ABCC12: variants seen among roughly 807,000 people sequenced by gnomAD.
The protein encoded by ABCC12 is ATP-binding cassette sub-family C member 12.
In ABCC12, 142 loss-of-function variants were observed where a neutral mutation model predicts 151.1. The observed-to-expected ratio is 0.94, with a 90% CI of 0.82 to 1.08. The LOEUF (loss-of-function observed/expected upper bound fraction) is 1.08, where lower values mean the gene tolerates loss of function less well. ABCC12 is among the 50% of genes least tolerant of loss of function. The pLI, the probability that ABCC12 is intolerant of heterozygous loss-of-function variation, is 0.00. For synonymous variants in ABCC12, 645 were observed against 646.4 expected (o/e 1.00, Z 0.03); for missense variants, 1,638 against 1,691.1 (o/e 0.97, Z 0.55).
At chr16:48,108,332 C>T (rs561990807) in intron 19 of ABCC12, 108 bp downstream of exon 19, 1 of 1,029,626 alleles carries the variant, frequency 9.7e-7, no homozygotes, top group South Asian at 1.6e-5. Flanking sequence ...ATGGCCCTAG[C>T]ATAAACAGAA....
rs1287825113 is a variant in ABCC12, at chr16:48,155,821, G to C, written c.-320+20C>G. 1.3e-5 allele frequency: 2 copies of C among 152,414 alleles called. No individual in the cohort carries two copies. Among genetic ancestry groups the C allele is most frequent in the Non-Finnish European group, 2.9e-5 (2 of 68,230 alleles). 9.4% of individuals were successfully genotyped at this position (152,414 alleles called of 1,614,324 possible). On this transcript the variant is annotated intron_variant, in intron 1 of 30. Transcript: ENST00000311303. ...TTGTTACAGGGAGAAGCTTTACCTG[G>C]GCTGGAAATGAAGCTTTACCTGGGC... is the stretch of plus-strand genomic sequence containing the variant.
chr16:48,094,524 C>G (rs774935574), intron 24 of ABCC12, among the ~76,000 whole-genome samples: 4 of 152,160 alleles, frequency 2.6e-5, no homozygotes, highest in Non-Finnish European at 5.9e-5. Flanking sequence ...CTGATAGGCT[C>G]TGTATATAGA....
At position 48,133,701 on chromosome 16, in the gene ABCC12, G is replaced by A. The variant is rs1338984561; in HGVS notation, c.1114C>T (p.Leu372Phe). ...CCAGCTCTTACCACGGGTGCGGTGAGTTTGCGTCTCAGGAGGATGTGGCAG... is the reference window on the plus strand; with the variant it reads ...CCAGCTCTTACCACGGGTGCGGTGAATTTGCGTCTCAGGAGGATGTGGCAG... ...LSCHILLRRK[L>F]TAPVAFSVIA... The change falls in exon 9 of 31, where the codon CTC becomes TTC. Residue 372 changes from leucine to phenylalanine, a missense_variant. Physicochemically the swap from Leu to Phe is conservative, Grantham distance 22. Transcript: ENST00000311303. 3.7e-6 allele frequency: 6 copies of A among 1,614,012 alleles called. No individual in the cohort carries two copies. The highest frequency in any genetic ancestry group is 5.1e-6 in the Non-Finnish European group (6 of 1,179,998).
chr16:48,121,823 C>T lies in ABCC12; in HGVS notation c.1605G>A (p.Gly535=), dbSNP rs148469787. The part of the protein sequence containing the change: ...ALLGQMQLQK[G]VVAVNGTLAY... ...CCAAAGTTCCATTGACTGCCACCAC[C>T]CCTTTCTGCAGCTGCATCTGGAACA... Residue 535 remains glycine, a synonymous_variant, in exon 13 of 31, where the codon GGG becomes GGA. Transcript: ENST00000311303. 5.6e-6 allele frequency: 9 copies of T among 1,614,100 alleles called. No homozygotes were observed. In the East Asian group the frequency reaches 1.6e-4, roughly 28 times the overall value.
Position 48,146,473 on chromosome 16 carries a change from C to T in ABCC12, c.-49G>A, listed in dbSNP as rs186289231. On this transcript the variant is annotated splice_region_variant and 5_prime_UTR_variant, in exon 3 of 31. It adds an upstream start codon to the 5' untranslated region. Transcript: ENST00000311303. The stretch of plus-strand genomic sequence containing the variant: ...GGCTTTTGGCCTGGGGACACTTTCA[C>T]TCTATGGCAGAGAAATGGCAAAGGT... The T allele has an allele frequency of 3.4e-6, 5 of 1,469,114 alleles. No homozygotes were observed. Among genetic ancestry groups the T allele is most frequent in the Middle Eastern group, 1.7e-4 (1 of 5,758 alleles). 91.0% of individuals were successfully genotyped at this position (1,469,114 alleles called of 1,614,324 possible).
chr16:48,102,494 C>T (rs1963340448), intron 22 of ABCC12, among the ~76,000 whole-genome samples: 1 of 152,176 alleles, frequency 6.6e-6, no homozygotes, highest in Non-Finnish European at 1.5e-5. Context: ...TTGCTCAGGA[C>T]ATCAAGAACT....
intron 12 of ABCC12, 101 bp downstream of exon 12, chr16:48,124,112 G>A (rs1238877313): frequency 1.6e-6 from 2 of 1,264,110 alleles, no homozygotes; most frequent in Non-Finnish European, 2.3e-6. Flanking sequence ...ACAGTGTCCA[G>A]TGCAGCCGAG....
Position 48,096,664 on chromosome 16 carries a change from T to C in ABCC12, c.3195+82A>G, listed in dbSNP as rs551350688. On this transcript the variant is annotated intron_variant, in intron 24 of 30. Coordinates refer to ENST00000311303, the MANE Select transcript of ABCC12 (RefSeq NM_001393797.1). ...AAACCCATTCGAGTTGGGGTTTTTG[T>C]TGTGTCCATCCAAAAGCACCCTCGC... The C allele has an allele frequency of 4.9e-6, 7 of 1,425,776 alleles. No individual in the cohort carries two copies. In the East Asian group the frequency reaches 9.1e-5, roughly 19 times the overall value. The allele number at this position is 1,425,776 out of a possible 1,614,324, so 88.3% of individuals were successfully genotyped here.
chr16:48,102,481 T>A (rs1042428478), intron 22 of ABCC12, among the ~76,000 whole-genome samples: 3 of 152,206 alleles, frequency 2.0e-5, no homozygotes, highest in African/African-American at 7.2e-5. Flanking sequence ...TTTGTCCAAT[T>A]CTTTGCTCAG....
chr16:48,144,014 A>G lies in ABCC12; in HGVS notation c.171T>C (p.Phe57=). 6.2e-7 allele frequency: 1 copy of G among 1,614,200 alleles called. No homozygotes were observed. Among genetic ancestry groups the G allele is most frequent in the Non-Finnish European group, 8.5e-7 (1 of 1,180,028 alleles). Residue 57 remains phenylalanine, a synonymous_variant, in exon 4 of 31, where the codon TTT becomes TTC. Transcript: ENST00000311303. ...DDAGLLSFAT[F]SWLTPVMVKG... is the part of the protein sequence containing the mutation. Reference sequence around the variant, plus strand: ...TCACCATCACCGGCGTGAGCCAGGAAAATGTGGCGAAGGAGAGTAGCCCGG... The same window carrying G: ...TCACCATCACCGGCGTGAGCCAGGAGAATGTGGCGAAGGAGAGTAGCCCGG...
chr16:48,108,226 C>G (rs1963565045), intron 19 of ABCC12, among the ~76,000 whole-genome samples: 1 of 152,260 alleles, frequency 6.6e-6, no homozygotes, highest in Middle Eastern at 3.4e-3. Flanking sequence ...AAAAGAGAGT[C>G]TGGCAGCTTT....
intron 20 of ABCC12, among the ~76,000 whole-genome samples, chr16:48,106,501 C>T (rs1209002018): frequency 2.6e-5 from 4 of 152,232 alleles, no homozygotes; most frequent in African/African-American, 7.2e-5. Context: ...CTCCAAACCT[C>T]GGGCTCTCCA....
At chr16:48,147,814 CT>C (rs1965049342) in intron 2 of ABCC12, among the ~76,000 whole-genome samples, 1 of 152,210 alleles carries the variant, frequency 6.6e-6, no homozygotes, top group Non-Finnish European at 1.5e-5. Context: ...ATCATAATGT[CT>C]TCATCTCAAA....
In ABCC12 at chr16:48,108,425, T is replaced by G. The variant is rs759196108; in HGVS notation, c.2371+15A>C. 1 of 1,604,792 alleles carries G rather than the reference T, an allele frequency of 6.2e-7. No homozygotes were observed. Among genetic ancestry groups the G allele is most frequent in the East Asian group, 2.2e-5 (1 of 44,820 alleles). Reference sequence around the variant, plus strand: ...ATGCAAATTAAATCAAGAAACTTGTTGTTTTATACTGAACCTCCAGAAGCC... The same window carrying G: ...ATGCAAATTAAATCAAGAAACTTGTGGTTTTATACTGAACCTCCAGAAGCC... On this transcript the variant is annotated intron_variant, in intron 19 of 30. Coordinates refer to ENST00000311303, the MANE Select transcript of ABCC12 (RefSeq NM_001393797.1).
In ABCC12 at chr16:48,082,311, G is replaced by A. The variant is rs776317384; in HGVS notation, c.*1404C>T. On this transcript the variant is annotated 3_prime_UTR_variant, in exon 31 of 31. Transcript: ENST00000311303. ...GGCCAGGTGTGCTCACCTCCCCGCT[G>A]GTTGGGTAGACCCCTGCCCAGGCCT... Among the ~76,000 whole-genome samples the A allele has an allele frequency of 2.0e-5, 3 of 152,202 alleles. No individual in the cohort carries two copies. The highest frequency in any genetic ancestry group is 1.9e-4 in the East Asian group (1 of 5,180).
chr16:48,132,442 C>T (rs1006891634), intron 9 of ABCC12, among the ~76,000 whole-genome samples: 4 of 152,186 alleles, frequency 2.6e-5, no homozygotes, highest in Non-Finnish European at 2.9e-5. Flanking sequence ...GCTTTGCAAA[C>T]GTCACCTCTT....
chr16:48,091,015 T>C, intron 25 of ABCC12, 105 bp downstream of exon 25: 2 of 1,160,632 alleles, frequency 1.7e-6, no homozygotes, highest in Admixed American at 3.4e-5. Context: ...CCGGCCCGAT[T>C]TCCGTTTTTT....
Position 48,144,065 on chromosome 16 carries a change from C to A in ABCC12, c.120G>T (p.Arg40Ser), listed in dbSNP as rs747938184. ...KTMIPVRPCA[R>S]LAPNPVDDAG... ...CATCATCCACCGGGTTGGGTGCTAA[C>A]CTGCAGACAAACAAGACACTCAGCG... The change falls in exon 4 of 31, where the codon AGG becomes AGT. Residue 40 changes from arginine to serine, a missense_variant and splice_region_variant. Physicochemically the swap from Arg to Ser is moderately radical, Grantham distance 110 (BLOSUM62 -1). Coordinates refer to ENST00000311303, the MANE Select transcript of ABCC12 (RefSeq NM_001393797.1). 2 of 1,612,118 alleles carry A rather than the reference C, an allele frequency of 1.2e-6. No individual in the cohort carries two copies. Among genetic ancestry groups the A allele is most frequent in the Non-Finnish European group, 8.5e-7 (1 of 1,178,756 alleles).
Position 48,138,250 on chromosome 16 carries a change from T to C in ABCC12, c.957A>G (p.Lys319=), listed in dbSNP as rs757397438. The part of the protein sequence containing the change: ...IRLIKMYAWE[K]SFTNTIQDIR... ...TACCTTGGATAGTGTTGGTAAAAGA[T>C]TTCTCCCAGGCATACATTTTGATCA... Residue 319 remains lysine, a synonymous_variant, in exon 8 of 31, where the codon AAA becomes AAG. Coordinates refer to ENST00000311303, the MANE Select transcript of ABCC12 (RefSeq NM_001393797.1). The C allele has an allele frequency of 1.2e-6, 2 of 1,610,720 alleles. No individual in the cohort carries two copies. Among genetic ancestry groups the C allele is most frequent in the South Asian group, 2.2e-5 (2 of 90,840 alleles).
Sources: gnomAD v4.1 joint callset for allele counts (sites outside exome capture counted in the v4.1 genomes callset) on GRCh38, gnomAD v4.1.1 for gene constraint, MANE v1.5 for transcripts, NCBI Gene and HGNC (gene_info 2026-07-23, HGNC 2026-07-21) for gene names.